The following LRRC4C variants were observed in gnomAD, a reference collection of about 807,000 sequenced individuals.
LRRC4C encodes leucine-rich repeat-containing protein 4C.
In LRRC4C, 5 loss-of-function variants were observed where a neutral mutation model predicts 33.6. The observed-to-expected ratio is 0.15, with a 90% CI of 0.08 to 0.31. The LOEUF (loss-of-function observed/expected upper bound fraction) is 0.31. LRRC4C is among the 10% of genes least tolerant of loss of function. LRRC4C has a pLI of 1.00. For synonymous variants in LRRC4C, 329 were observed against 302.0 expected, an observed-to-expected ratio of 1.09 and a Z score of -0.93; for missense variants, 560 against 796.7, an observed-to-expected ratio of 0.70 and a Z score of 3.58.
At chr11:40,987,913 TAA>T (rs2137197338) in intron 1 of LRRC4C, among the ~76,000 whole-genome samples, 1 of 152,022 alleles carries the variant, frequency 6.6e-6, no homozygotes, top group East Asian at 1.9e-4. Flanking sequence ...GTGAGCAAAT[TAA>T]AAGAGGATTT....
At chr11:41,363,488 G>T (rs955454638) in intron 1 of LRRC4C, among the ~76,000 whole-genome samples, 1 of 152,096 alleles carries the variant, frequency 6.6e-6, no homozygotes, top group African/African-American at 2.4e-5. Context: ...TACCCCTGTT[G>T]AATCAATTTA....
chr11:40,802,703 A>G (rs1364861480), intron 2 of LRRC4C, among the ~76,000 whole-genome samples: 1 of 152,160 alleles, frequency 6.6e-6, no homozygotes, highest in Non-Finnish European at 1.5e-5. Context: ...GTGAGAAAAA[A>G]CAGAAATTTA....
chr11:40,330,504 C>T (rs1388109804), intron 3 of LRRC4C, among the ~76,000 whole-genome samples: 3 of 151,970 alleles, frequency 2.0e-5, no homozygotes, highest in Admixed American at 6.6e-5. Flanking sequence ...CCTGGTCTCA[C>T]GATGCTATGA....
At position 40,967,124 on chromosome 11, in the gene LRRC4C, A is replaced by T. The variant is rs1430305364; in HGVS notation, c.-495-33401T>A. 2.6e-5 allele frequency among the ~76,000 whole-genome samples: 4 copies of T among 151,912 alleles called. No individual in the cohort carries two copies. The South Asian group carries it at 6.2e-4, about 24-fold the overall frequency. The stretch of plus-strand genomic sequence containing the variant: ...AGTTAGCTAATCTGAGTTTGAGCTT[A>T]AAAGTTGGAATTATTTTTAAAAAGA... On this transcript the variant is annotated intron_variant, in intron 1 of 6. Transcript: ENST00000528697.
At chr11:40,326,629 A>G (rs922848889) in intron 3 of LRRC4C, among the ~76,000 whole-genome samples, 6 of 152,122 alleles carry the variant, frequency 3.9e-5, no homozygotes, top group Non-Finnish European at 7.4e-5. Flanking sequence ...AGCTTGCAAT[A>G]CTTAACCTGT....
At chr11:41,146,948 A>G (rs1943754070) in intron 1 of LRRC4C, among the ~76,000 whole-genome samples, 1 of 152,258 alleles carries the variant, frequency 6.6e-6, no homozygotes, top group South Asian at 2.1e-4. Flanking sequence ...CAGATTAGTC[A>G]TATTGAAGAC....
chr11:40,879,713 A>C (rs1458173693), intron 2 of LRRC4C, among the ~76,000 whole-genome samples: 2 of 152,182 alleles, frequency 1.3e-5, no homozygotes, highest in Non-Finnish European at 2.9e-5. Context: ...TTTCAGTAGA[A>C]CTTGTGCTTT....
At chr11:40,869,769 C>T (rs1393622799) in intron 2 of LRRC4C, among the ~76,000 whole-genome samples, 2 of 152,106 alleles carry the variant, frequency 1.3e-5, no homozygotes, top group East Asian at 3.9e-4. Context: ...CGTATAAAAC[C>T]CCAAGTCAAA....
intron 3 of LRRC4C, among the ~76,000 whole-genome samples, chr11:40,523,176 C>A (rs1955891982): frequency 6.6e-6 from 1 of 152,152 alleles, no homozygotes; most frequent in Admixed American, 6.5e-5. Flanking sequence ...TAGAAGGTTT[C>A]AAATTTCTCG....
chr11:40,273,358 T>A (rs1590878424), intron 4 of LRRC4C, among the ~76,000 whole-genome samples: 2 of 152,244 alleles, frequency 1.3e-5, no homozygotes, highest in Non-Finnish European at 1.5e-5. Flanking sequence ...AAGGTCAGTT[T>A]ATCCTAATGA....
At chr11:41,426,066 G>C (rs1955029388) in intron 1 of LRRC4C, among the ~76,000 whole-genome samples, 1 of 152,160 alleles carries the variant, frequency 6.6e-6, no homozygotes, top group Admixed American at 6.5e-5. Context: ...GTGAAACTGG[G>C]GCCACCTTTT....
chr11:40,522,513 A>G (rs1955863916), intron 3 of LRRC4C, among the ~76,000 whole-genome samples: 1 of 152,218 alleles, frequency 6.6e-6, no homozygotes, highest in Non-Finnish European at 1.5e-5. Flanking sequence ...AATAAGTCTC[A>G]TGAGATCTGA....
chr11:41,045,555 T>G (rs1857721335), intron 1 of LRRC4C, among the ~76,000 whole-genome samples: 1 of 152,104 alleles, frequency 6.6e-6, no homozygotes, highest in Non-Finnish European at 1.5e-5. Flanking sequence ...TGACTTCAAG[T>G]AAGGATATGT....
At chr11:41,300,224 T>C (rs1412128821) in intron 1 of LRRC4C, among the ~76,000 whole-genome samples, 1 of 152,166 alleles carries the variant, frequency 6.6e-6, no homozygotes, top group African/African-American at 2.4e-5. Context: ...ATTTGTGAGG[T>C]ACTTTGCTTT....
At chr11:40,941,470 C>G (rs111451718) in intron 1 of LRRC4C, among the ~76,000 whole-genome samples, 74 of 152,240 alleles carry the variant, frequency 4.9e-4, no homozygotes, top group African/African-American at 1.7e-3. Flanking sequence ...GAGGTATTCA[C>G]TGAGATTTCA....
intron 2 of LRRC4C, among the ~76,000 whole-genome samples, chr11:40,811,210 G>A (rs1249568120): frequency 6.6e-6 from 1 of 151,682 alleles, no homozygotes; most frequent in Non-Finnish European, 1.5e-5. Context: ...CTTCAAATGT[G>A]ACCTTCTAAA....
intron 1 of LRRC4C, among the ~76,000 whole-genome samples, chr11:41,155,188 G>A (rs1431839734): frequency 6.6e-6 from 1 of 152,066 alleles, no homozygotes; most frequent in Non-Finnish European, 1.5e-5. Context: ...CAGTTTGGGT[G>A]CATGTTTTGC....
At chr11:41,295,236 A>C (rs1000502459) in intron 1 of LRRC4C, among the ~76,000 whole-genome samples, 1 of 152,206 alleles carries the variant, frequency 6.6e-6, no homozygotes, top group Non-Finnish European at 1.5e-5. Flanking sequence ...AAAGGCTGTG[A>C]CAGAAATATA....
intron 1 of LRRC4C, among the ~76,000 whole-genome samples, chr11:41,065,874 CA>C (rs1938197649): frequency 6.6e-6 from 1 of 152,064 alleles, no homozygotes; most frequent in Non-Finnish European, 1.5e-5. Flanking sequence ...ACAACATCAA[CA>C]AAAAAGCTTC....
Sources: allele counts gnomAD v4.1 joint callset (sites outside exome capture counted in the v4.1 genomes callset), GRCh38; gene constraint gnomAD v4.1.1; transcripts MANE v1.5; gene names NCBI Gene and HGNC (gene_info 2026-07-23, HGNC 2026-07-21).